The following KBTBD11 variants were observed in gnomAD, a reference collection of about 807,000 sequenced individuals.
KBTBD11 encodes the protein kelch repeat and BTB domain-containing protein 11.
For synonymous variants in KBTBD11, 747 were observed against 499.0 expected (o/e 1.50, Z -6.63); for missense variants, 1,390 against 1,001.8 (o/e 1.39, Z -5.23).
intron 1 of KBTBD11, among the ~76,000 whole-genome samples, chr8:1,997,791 G>A (rs1049968750): frequency 1.7e-4 from 26 of 152,354 alleles, no homozygotes; most frequent in Admixed American, 3.3e-4. Context: ...AGAGTGCGAC[G>A]CTGTACCATG....
chr8:1,998,353 T>C (rs1585753755), intron 1 of KBTBD11, among the ~76,000 whole-genome samples: 2 of 152,322 alleles, frequency 1.3e-5, no homozygotes, highest in East Asian at 3.9e-4. Flanking sequence ...TGGAGATGTC[T>C]CTCTTGCTTA....
At chr8:1,989,134 C>T (rs530582099) in intron 1 of KBTBD11, among the ~76,000 whole-genome samples, 46 of 152,294 alleles carry the variant, frequency 3.0e-4, no homozygotes, top group African/African-American at 4.8e-4. Context: ...TGCTCTGGTG[C>T]GACCTTGGTA....
intron 1 of KBTBD11, among the ~76,000 whole-genome samples, chr8:1,984,370 G>A (rs1816642709): frequency 7.3e-6 from 1 of 137,834 alleles, no homozygotes; most frequent in African/African-American, 2.8e-5. Context: ...CTCACTGCAA[G>A]CTCTGCCTCC....
chr8:2,002,914 G>C lies in KBTBD11; in HGVS notation c.1722G>C (p.Gln574His). Residue 574 changes from glutamine (Q) to histidine (H), a missense_variant, in exon 2 of 2, where the codon CAG (glutamine) becomes CAC (histidine). By Grantham distance (24) the Gln-to-His change is conservative. Coordinates refer to ENST00000320248, the MANE Select transcript of KBTBD11 (RefSeq NM_014867.3). The surrounding 1 kb of genome is among the most constrained non-coding windows in gnomAD (Gnocchi z 4.1). ...GCCGCGCGGGCACCTGGCGCTTCCA[G>C]CCTGCCCGGGAAGGCGAGGCCGGCG... The part of the protein sequence containing the change: ...CVSRAGTWRF[Q>H]PAREGEAGGD... 1 of 1,322,986 alleles carries C rather than the reference G, an allele frequency of 7.6e-7. No individual in the cohort carries two copies. Among genetic ancestry groups the C allele is most frequent in the Non-Finnish European group, 9.6e-7 (1 of 1,040,202 alleles). The allele number at this position is 1,322,986 out of a possible 1,614,324, so 82.0% of individuals were successfully genotyped here.
chr8:2,001,500 C>T lies in KBTBD11; in HGVS notation c.308C>T (p.Pro103Leu). 1 of 1,392,732 alleles carries T rather than the reference C, an allele frequency of 7.2e-7. No individual in the cohort carries two copies. The highest frequency in any genetic ancestry group is 9.3e-7 in the Non-Finnish European group (1 of 1,079,336). 86.3% of individuals were successfully genotyped at this position (1,392,732 alleles called of 1,614,324 possible). A position where few individuals can be genotyped will look rare whatever the true frequency, so the allele number is the denominator to read the frequency against. ...GAGGAGCGCGCGTGCCCGGAAGAGCCCGCGGCGCCGTCCCCCGAACCGCGC... is the reference window on the plus strand; with the variant it reads ...GAGGAGCGCGCGTGCCCGGAAGAGCTCGCGGCGCCGTCCCCCGAACCGCGC... Reference protein sequence around the residue: ...SPEERACPEEPAAPSPEPRVW... With the variant: ...SPEERACPEELAAPSPEPRVW... The change falls in exon 2 of 2, where the codon CCC becomes CTC. Residue 103 changes from proline (P) to leucine (L), a missense_variant. Transcript: ENST00000320248.
At position 2,000,402 on chromosome 8, in the gene KBTBD11, A is replaced by C. The variant is rs1817296571; in HGVS notation, c.-791A>C. On this transcript the variant is annotated 5_prime_UTR_variant, in exon 2 of 2. Coordinates refer to ENST00000320248, the MANE Select transcript of KBTBD11 (RefSeq NM_014867.3). ...CTCCAGGAGCACAGCGGCTTCTCCT[A>C]ACATCCCCCTGGCAGTGAATTACGG... is the stretch of plus-strand genomic sequence containing the variant. 1 of 152,238 alleles carries C rather than the reference A, an allele frequency of 6.6e-6. No individual in the cohort carries two copies. Among genetic ancestry groups the C allele is most frequent in the Admixed American group, 6.5e-5 (1 of 15,282 alleles). 9.4% of individuals were successfully genotyped at this position (152,238 alleles called of 1,614,324 possible). A position where few individuals can be genotyped will look rare whatever the true frequency, so the allele number is the denominator to read the frequency against.
chr8:1,986,401 G>C (rs142890863), intron 1 of KBTBD11, among the ~76,000 whole-genome samples: 1 of 152,152 alleles, frequency 6.6e-6, no homozygotes, highest in Non-Finnish European at 1.5e-5. Flanking sequence ...TTATACCAAC[G>C]ATGCAAATAA....
At chr8:1,979,390 G>A (rs1226264747) in intron 1 of KBTBD11, among the ~76,000 whole-genome samples, 1 of 152,248 alleles carries the variant, frequency 6.6e-6, no homozygotes, top group Non-Finnish European at 1.5e-5. Flanking sequence ...AGCACTTTGG[G>A]AGGCCGAGGT....
rs898165614 is a variant in KBTBD11 at position 1,974,485 on chromosome 8, G to A, written c.-909+550G>A. The stretch of plus-strand genomic sequence containing the variant: ...GGATCGGCTGTCCGGAGCGAACGGG[G>A]GTCTCTCCTGGACTCGGGGCCCTGG... On this transcript the variant is annotated intron_variant, in intron 1 of 1. Coordinates refer to ENST00000320248, the MANE Select transcript of KBTBD11 (RefSeq NM_014867.3). 3.9e-5 allele frequency: 38 copies of A among 984,916 alleles called. No homozygotes were observed. The African/African-American group carries it at 6.5e-4, about 17-fold the overall frequency. 61.0% of individuals were successfully genotyped at this position (984,916 alleles called of 1,614,324 possible). A position where few individuals can be genotyped will look rare whatever the true frequency, so the allele number is the denominator to read the frequency against.
intron 1 of KBTBD11, 54 bp downstream of exon 1, chr8:1,973,989 C>T (rs1315508988): frequency 2.0e-6 from 2 of 979,378 alleles, no homozygotes; most frequent in Non-Finnish European, 2.4e-6. Flanking sequence ...GAGCGGGAAG[C>T]AGCCCGAGGC....
At chr8:1,977,648 C>T (rs909326754) in intron 1 of KBTBD11, among the ~76,000 whole-genome samples, 2 of 152,056 alleles carry the variant, frequency 1.3e-5, no homozygotes, top group Non-Finnish European at 2.9e-5. Context: ...CTCAGTCTCT[C>T]GAGTAGCTGG....
chr8:1,993,086 C>T (rs1039214179), intron 1 of KBTBD11, among the ~76,000 whole-genome samples: 2 of 152,042 alleles, frequency 1.3e-5, no homozygotes, highest in African/African-American at 4.8e-5. Context: ...GCTACAAATG[C>T]TGCATGCCAC....
At chr8:1,988,379 C>A (rs563176376) in intron 1 of KBTBD11, among the ~76,000 whole-genome samples, 1 of 152,314 alleles carries the variant, frequency 6.6e-6, no homozygotes, top group East Asian at 1.9e-4. Flanking sequence ...TTCTCCACAT[C>A]CTCTCCAGCA....
At chr8:1,986,893 C>G (rs1816721586) in intron 1 of KBTBD11, among the ~76,000 whole-genome samples, 1 of 151,510 alleles carries the variant, frequency 6.6e-6, no homozygotes, top group Non-Finnish European at 1.5e-5. Context: ...CTAGATGAGG[C>G]CAGGCGTGGT....
chr8:1,983,201 G>T (rs1006893318), intron 1 of KBTBD11, among the ~76,000 whole-genome samples: 16 of 152,164 alleles, frequency 1.1e-4, no homozygotes, highest in African/African-American at 3.9e-4. Context: ...TGGCAGCCTT[G>T]GGCATAGTCT....
chr8:1,976,324 A>C (rs1585715196), intron 1 of KBTBD11: 1 of 152,074 alleles, frequency 6.6e-6, no homozygotes, highest in Non-Finnish European at 1.5e-5. Flanking sequence ...TAATTAAGCT[A>C]AAAGTATAGT....
At chr8:1,983,385 C>T (rs1816603717) in intron 1 of KBTBD11, among the ~76,000 whole-genome samples, 1 of 152,234 alleles carries the variant, frequency 6.6e-6, no homozygotes. Flanking sequence ...GAAGTCCTGT[C>T]CCAGGCAGCT....
chr8:1,977,987 A>C (rs1283223359), intron 1 of KBTBD11, among the ~76,000 whole-genome samples: 1 of 152,258 alleles, frequency 6.6e-6, no homozygotes, highest in East Asian at 1.9e-4. Flanking sequence ...TTAGTGGCTT[A>C]AAACAATAGC....
At chr8:1,978,222 C>G (rs979050711) in intron 1 of KBTBD11, among the ~76,000 whole-genome samples, 1 of 152,224 alleles carries the variant, frequency 6.6e-6, no homozygotes, top group African/African-American at 2.4e-5. Context: ...TCATTCAGCT[C>G]CCACTTATAA....
Sources: allele counts gnomAD v4.1 joint callset (sites outside exome capture counted in the v4.1 genomes callset), GRCh38; gene constraint gnomAD v4.1.1; non-coding constraint Gnocchi (gnomAD v3.1); transcripts MANE v1.5; gene names NCBI Gene and HGNC (gene_info 2026-07-23, HGNC 2026-07-21).